The following DGKB variants were observed in gnomAD, a reference collection of about 807,000 sequenced individuals.
DGKB encodes the protein diacylglycerol kinase beta.
In DGKB, 67 loss-of-function variants were observed where a neutral mutation model predicts 114.3. The observed-to-expected ratio is 0.59, with a 90% CI of 0.48 to 0.72. The LOEUF (loss-of-function observed/expected upper bound fraction) is 0.72, where lower values mean the gene tolerates loss of function less well. Ranked by LOEUF, DGKB falls within the 30% of genes least tolerant of loss-of-function variation. The pLI, the probability that DGKB is intolerant of heterozygous loss-of-function variation, is 0.00. For synonymous variants in DGKB, 398 were observed against 323.1 expected, an observed-to-expected ratio of 1.23 and a Z score of -2.49; for missense variants, 907 against 975.2, an observed-to-expected ratio of 0.93 and a Z score of 0.93.
Position 14,821,715 on chromosome 7 carries a change from A to G in DGKB, c.70+19479T>C, listed in dbSNP as rs1424619102. Among the ~76,000 whole-genome samples, 4 of 152,152 alleles carry G rather than the reference A, an allele frequency of 2.6e-5. No individual in the cohort carries two copies. The East Asian group carries it at 7.7e-4, about 29-fold the overall frequency. On this transcript the variant is annotated intron_variant, in intron 2 of 25. Coordinates refer to ENST00000402815, the MANE Select transcript of DGKB (RefSeq NM_001350709.2). ...GTGCTTTATGTACATCAGGACATCA[A>G]GATTTTAGGCAGGGGAATGACATAG...
intron 23 of DGKB, among the ~76,000 whole-genome samples, chr7:14,306,262 T>C (rs1442026694): frequency 6.6e-6 from 1 of 152,044 alleles, no homozygotes; most frequent in Non-Finnish European, 1.5e-5. Context: ...TTAAATAGAC[T>C]GGAATCAATC....
chr7:14,744,204 C>G (rs894343792), intron 4 of DGKB, among the ~76,000 whole-genome samples: 1 of 152,126 alleles, frequency 6.6e-6, no homozygotes, highest in Non-Finnish European at 1.5e-5. Flanking sequence ...CCTGGTTCTT[C>G]TAGAATTTGG....
At chr7:14,683,872 TCAC>T (rs1188521405) in intron 10 of DGKB, among the ~76,000 whole-genome samples, 1 of 152,118 alleles carries the variant, frequency 6.6e-6, no homozygotes, top group Non-Finnish European at 1.5e-5. Flanking sequence ...AATATTGCAT[TCAC>T]CACACTAATC....
At chr7:14,599,041 T>G (rs1194103625) in intron 17 of DGKB, among the ~76,000 whole-genome samples, 1 of 152,216 alleles carries the variant, frequency 6.6e-6, no homozygotes, top group African/African-American at 2.4e-5. Flanking sequence ...AGTTTATTTT[T>G]GGTCACGTTT....
chr7:14,612,045 A>G (rs1805638269), intron 16 of DGKB, among the ~76,000 whole-genome samples: 1 of 151,748 alleles, frequency 6.6e-6, no homozygotes, highest in African/African-American at 2.4e-5. Flanking sequence ...CCCTTTAATA[A>G]AGCATTAGGA....
At chr7:14,896,756 A>G (rs1489460861) in intron 1 of DGKB, among the ~76,000 whole-genome samples, 1 of 151,832 alleles carries the variant, frequency 6.6e-6, no homozygotes, top group Non-Finnish European at 1.5e-5. Flanking sequence ...TCCAAATAGT[A>G]AGGATTTTAC....
chr7:14,313,859 C>T (rs1282669800), intron 23 of DGKB, among the ~76,000 whole-genome samples: 1 of 152,208 alleles, frequency 6.6e-6, no homozygotes, highest in Non-Finnish European at 1.5e-5. Flanking sequence ...ACAGCAGTAA[C>T]CTCTGCAGAC....
At position 14,777,058 on chromosome 7, in the gene DGKB, G is replaced by C. The variant is rs568071669; in HGVS notation, c.71-19327C>G. Reference sequence around the variant, plus strand: ...TCAAAGGAGATCATTTTTGAATTTTGAGGTTTAATGACTGCCCTATTGGAT... The same window carrying C: ...TCAAAGGAGATCATTTTTGAATTTTCAGGTTTAATGACTGCCCTATTGGAT... On this transcript the variant is annotated intron_variant, in intron 2 of 25. Transcript: ENST00000402815. 4.6e-5 allele frequency among the ~76,000 whole-genome samples: 7 copies of C among 152,254 alleles called. No individual in the cohort carries two copies. In the East Asian group the frequency reaches 1.4e-3, roughly 29 times the overall value.
intron 21 of DGKB, among the ~76,000 whole-genome samples, chr7:14,434,651 A>G (rs1828976643): frequency 6.6e-6 from 1 of 152,196 alleles, no homozygotes; most frequent in African/African-American, 2.4e-5. Context: ...GAACCATAAG[A>G]TAATACATTT....
At chr7:14,393,744 C>G (rs1016431675) in intron 21 of DGKB, among the ~76,000 whole-genome samples, 1 of 152,152 alleles carries the variant, frequency 6.6e-6, no homozygotes, top group African/African-American at 2.4e-5. Flanking sequence ...AGAGAACCCT[C>G]AAGGATAATG....
chr7:14,877,809 A>G (rs562702512), intron 1 of DGKB, among the ~76,000 whole-genome samples: 20 of 152,338 alleles, frequency 1.3e-4, no homozygotes, highest in African/African-American at 4.3e-4. Context: ...TCCACAAACA[A>G]TAATTCCTTG....
intron 21 of DGKB, among the ~76,000 whole-genome samples, chr7:14,365,555 A>G (rs1816532875): frequency 1.3e-5 from 2 of 152,186 alleles, no homozygotes; most frequent in South Asian, 2.1e-4. Context: ...CATAGATCAT[A>G]TCTATCTCGT....
At chr7:14,848,525 A>C (rs1366670773) in intron 1 of DGKB, among the ~76,000 whole-genome samples, 1 of 152,220 alleles carries the variant, frequency 6.6e-6, no homozygotes, top group Non-Finnish European at 1.5e-5. Context: ...TCAGTTTTCT[A>C]TATAGATGAT....
At chr7:14,661,868 T>A (rs1585447008) in intron 13 of DGKB, among the ~76,000 whole-genome samples, 1 of 152,078 alleles carries the variant, frequency 6.6e-6, no homozygotes, top group Admixed American at 6.6e-5. Context: ...TGGAATACTA[T>A]GCAGCCATAA....
intron 4 of DGKB, among the ~76,000 whole-genome samples, chr7:14,744,726 A>G (rs1357634752): frequency 6.6e-6 from 1 of 152,256 alleles, no homozygotes; most frequent in Admixed American, 6.5e-5. Flanking sequence ...CAAACAACTC[A>G]GTCCTATCAT....
At chr7:14,712,891 T>A (rs1343028236) in intron 6 of DGKB, among the ~76,000 whole-genome samples, 1 of 151,938 alleles carries the variant, frequency 6.6e-6, no homozygotes, top group African/African-American at 2.4e-5. Flanking sequence ...GGCCCAAAGG[T>A]CAAGGGAATC....
chr7:14,696,260 G>A (rs560793983), intron 8 of DGKB, among the ~76,000 whole-genome samples: 3 of 152,084 alleles, frequency 2.0e-5, no homozygotes, highest in African/African-American at 4.8e-5. Context: ...TTGGGAGGCC[G>A]AGGCGGGTGG....
At position 14,694,139 on chromosome 7, in the gene DGKB, A is replaced by C. The variant is rs762516922; in HGVS notation, c.647T>G (p.Leu216Arg). ...CATTCCTCCTTGAATCCATTCCTCCAGAGACACGGTTCCATCATGATCATA... is the reference window on the plus strand; with the variant it reads ...CATTCCTCCTTGAATCCATTCCTCCCGAGACACGGTTCCATCATGATCATA... ...IDYDHDGTVS[L>R]EEWIQGGMTT... is the part of the protein sequence containing the mutation. The change falls in exon 9 of 26, where the codon CTG becomes CGG. Residue 216 changes from leucine (L) to arginine (R), a missense_variant. By Grantham distance (102) the Leu-to-Arg change is moderately radical. Coordinates refer to ENST00000402815, the MANE Select transcript of DGKB (RefSeq NM_001350709.2). 6.3e-7 allele frequency: 1 copy of C among 1,591,128 alleles called. No individual in the cohort carries two copies. The highest frequency in any genetic ancestry group is 8.6e-7 in the Non-Finnish European group (1 of 1,167,214).
chr7:14,343,874 A>G (rs1324308256), intron 22 of DGKB, among the ~76,000 whole-genome samples: 1 of 148,324 alleles, frequency 6.7e-6, no homozygotes. Context: ...TGACACATAT[A>G]TAACCATATA....
Sources: gnomAD v4.1 joint callset for allele counts (sites outside exome capture counted in the v4.1 genomes callset) on GRCh38, gnomAD v4.1.1 for gene constraint, MANE v1.5 for transcripts, NCBI Gene and HGNC (gene_info 2026-07-23, HGNC 2026-07-21) for gene names.